The following SIPA1L2 variants were observed in gnomAD, a reference collection of about 807,000 sequenced individuals.
The protein encoded by SIPA1L2 is signal-induced proliferation-associated 1-like protein 2.
Under a neutral mutation model 163.9 loss-of-function variants are expected in SIPA1L2, and 56 were observed. The observed-to-expected ratio is 0.34, with a 90% CI of 0.28 to 0.43. The LOEUF is 0.43. SIPA1L2 is among the 20% of genes least tolerant of loss of function. The pLI is 1.00. For synonymous variants in SIPA1L2, 877 were observed against 865.7 expected, an observed-to-expected ratio of 1.01 and a Z score of -0.23; for missense variants, 1,974 against 2,193.5, an observed-to-expected ratio of 0.90 and a Z score of 2.00.
rs779262320 is a variant in SIPA1L2, at chr1:232,403,497, G to A, written c.4891C>T (p.Pro1631Ser). The A allele has an allele frequency of 1.9e-5, 31 of 1,614,014 alleles. No individual in the cohort carries two copies. The highest frequency in any genetic ancestry group is 2.5e-5 in the Non-Finnish European group (29 of 1,179,996). ...CCACTGCCTGGATCTACACATAAGGGCAGCTCTTGGGCCCCTTCCAGGTCC... is the reference window on the plus strand; with the variant it reads ...CCACTGCCTGGATCTACACATAAGGACAGCTCTTGGGCCCCTTCCAGGTCC... ...GQDLEGAQEL[P>S]LCVDPGSGKE... The change falls in exon 21 of 23, where the codon CCC becomes TCC. Residue 1631 changes from proline (P) to serine (S), a missense_variant. Around this residue, in one of 3 missense-constraint regions of SIPA1L2, gnomAD observed 1,079 missense variants for 1,150.7 expected, o/e 0.94. Coordinates refer to ENST00000674635, the MANE Select transcript of SIPA1L2 (RefSeq NM_020808.5).
chr1:232,451,209 A>G (rs1663555352), intron 10 of SIPA1L2, among the ~76,000 whole-genome samples: 1 of 152,216 alleles, frequency 6.6e-6, no homozygotes, highest in South Asian at 2.1e-4. Context: ...GAAATTCCTT[A>G]AAGGATGCAT....
intron 2 of SIPA1L2, among the ~76,000 whole-genome samples, chr1:232,537,418 TAAG>T (rs1438263211): frequency 1.3e-5 from 2 of 151,958 alleles, no homozygotes; most frequent in Non-Finnish European, 2.9e-5. Context: ...CAGAGTTGCT[TAAG>T]AAGAACAATA....
intron 2 of SIPA1L2, among the ~76,000 whole-genome samples, chr1:232,549,381 A>C (rs1229589439): frequency 1.3e-5 from 2 of 152,188 alleles, no homozygotes; most frequent in Admixed American, 1.3e-4. Flanking sequence ...GGTTTTCTCT[A>C]ATTAATCCCA....
chr1:232,559,929 G>A (rs1477189577), intron 2 of SIPA1L2, among the ~76,000 whole-genome samples: 1 of 152,126 alleles, frequency 6.6e-6, no homozygotes, highest in Non-Finnish European at 1.5e-5. Flanking sequence ...GGAAATAAAA[G>A]TTCACAAAGA....
chr1:232,436,457 T>A (rs1319027758), intron 15 of SIPA1L2, among the ~76,000 whole-genome samples: 3 of 152,124 alleles, frequency 2.0e-5, no homozygotes, highest in Non-Finnish European at 2.9e-5. Flanking sequence ...GGCAGGATGG[T>A]CACCCCGGTC....
Position 232,490,058 on chromosome 1 carries a change from G to A in SIPA1L2, c.1806+816C>T, listed in dbSNP as rs114059547. Reference sequence around the variant, plus strand: ...CTTCCTAAAATACAGCTCTGATCACGTCACATCCTAATGGAAAACCTTCAA... The same window carrying A: ...CTTCCTAAAATACAGCTCTGATCACATCACATCCTAATGGAAAACCTTCAA... On this transcript the variant is annotated intron_variant, in intron 5 of 22. Transcript: ENST00000674635. 5.0e-3 allele frequency among the ~76,000 whole-genome samples: 757 copies of A among 152,124 alleles called. 7 individuals are homozygous for A. Among genetic ancestry groups the A allele is most frequent in the African/African-American group, 0.017 (710 of 41,508 alleles).
At position 232,491,137 on chromosome 1, in the gene SIPA1L2, C is replaced by T. The variant is rs926445712; in HGVS notation, c.1618-75G>A. On this transcript the variant is annotated intron_variant, in intron 4 of 22. Coordinates refer to ENST00000674635, the MANE Select transcript of SIPA1L2 (RefSeq NM_020808.5). ...TACTCACAGCCTAACTGTTTGGCTG[C>T]CTTAAGACAGGAAAAAGAGAAGCAA... 3.8e-6 allele frequency: 5 copies of T among 1,328,706 alleles called. No homozygotes were observed. The African/African-American group carries it at 7.4e-5, about 20-fold the overall frequency. 82.3% of individuals were successfully genotyped at this position (1,328,706 alleles called of 1,614,324 possible).
At chr1:232,594,039 C>G (rs1661108168) in intron 1 of SIPA1L2, among the ~76,000 whole-genome samples, 2 of 152,098 alleles carry the variant, frequency 1.3e-5, no homozygotes, top group Non-Finnish European at 2.9e-5. Context: ...TAACCTGTCT[C>G]CGACAAGCCT....
At chr1:232,624,944 A>G (rs1373015314) in intron 1 of SIPA1L2, among the ~76,000 whole-genome samples, 1 of 152,258 alleles carries the variant, frequency 6.6e-6, no homozygotes, top group Non-Finnish European at 1.5e-5. Context: ...GAAGCACTGC[A>G]GTTCCTAAGG....
chr1:232,455,477 C>T (rs4649377), intron 10 of SIPA1L2, among the ~76,000 whole-genome samples: 45,507 of 151,814 alleles, frequency 0.3, 7,439 homozygotes, highest in East Asian at 0.57. Context: ...GTCAGGAGAT[C>T]GAGACCATCC....
At chr1:232,613,321 T>A (rs922086853) in intron 1 of SIPA1L2, among the ~76,000 whole-genome samples, 1 of 152,238 alleles carries the variant, frequency 6.6e-6, no homozygotes, top group Non-Finnish European at 1.5e-5. Flanking sequence ...CCCAGAAAGA[T>A]GTAACTTAAA....
At chr1:232,429,415 C>A (rs904496839) in intron 16 of SIPA1L2, among the ~76,000 whole-genome samples, 2 of 152,120 alleles carry the variant, frequency 1.3e-5, no homozygotes, top group Non-Finnish European at 2.9e-5. Flanking sequence ...TTTCAAAAGC[C>A]AGGCTATCTT....
chr1:232,455,477 C>G (rs4649377), intron 10 of SIPA1L2, among the ~76,000 whole-genome samples: 6 of 151,812 alleles, frequency 4.0e-5, no homozygotes, highest in Non-Finnish European at 8.8e-5. Flanking sequence ...GTCAGGAGAT[C>G]GAGACCATCC....
chr1:232,606,190 G>A (rs1661910541), intron 1 of SIPA1L2, among the ~76,000 whole-genome samples: 1 of 152,198 alleles, frequency 6.6e-6, no homozygotes, highest in African/African-American at 2.4e-5. Flanking sequence ...CATAAGTCAT[G>A]TAGACTAATT....
intron 2 of SIPA1L2, among the ~76,000 whole-genome samples, chr1:232,526,397 G>A (rs1667708342): frequency 6.6e-6 from 1 of 151,890 alleles, no homozygotes; most frequent in African/African-American, 2.4e-5. Flanking sequence ...TTCACACACT[G>A]GAGTGGGGTG....
chr1:232,436,356 CACAA>C (rs1048164461), intron 15 of SIPA1L2, among the ~76,000 whole-genome samples: 3 of 152,194 alleles, frequency 2.0e-5, no homozygotes, highest in African/African-American at 4.8e-5. Flanking sequence ...ATGCAGTAAA[CACAA>C]ACAATTTTAT....
intron 2 of SIPA1L2, among the ~76,000 whole-genome samples, chr1:232,553,277 T>C (rs1345931390): frequency 6.6e-6 from 1 of 152,174 alleles, no homozygotes; most frequent in Non-Finnish European, 1.5e-5. Context: ...ATGCTCCTCC[T>C]CGTCTCTCCT....
intron 1 of SIPA1L2, among the ~76,000 whole-genome samples, chr1:232,587,933 A>G (rs1573130714): frequency 6.6e-6 from 1 of 151,954 alleles, no homozygotes; most frequent in Admixed American, 6.6e-5. Flanking sequence ...CGTGCCTTTC[A>G]CCTTCCACCA....
At chr1:232,511,885 T>C (rs1242205231) in intron 3 of SIPA1L2, among the ~76,000 whole-genome samples, 2 of 152,084 alleles carry the variant, frequency 1.3e-5, no homozygotes, top group African/African-American at 4.8e-5. Context: ...TGGGATCTAA[T>C]TAAACTAAAG....
Sources: allele counts gnomAD v4.1 joint callset (sites outside exome capture counted in the v4.1 genomes callset), GRCh38; gene constraint gnomAD v4.1.1; regional missense constraint gnomAD v4.1.1; transcripts MANE v1.5; gene names NCBI Gene and HGNC (gene_info 2026-07-23, HGNC 2026-07-21).